Variants in TNRC6C observed in about 807,000 individuals in gnomAD.
TNRC6C encodes trinucleotide repeat containing adaptor 6C, also known as trinucleotide repeat-containing gene 6C protein.
A neutral mutation model predicts 153.7 loss-of-function variants in TNRC6C; 20 were observed. That is an observed-to-expected ratio of 0.13 (90% CI 0.09 to 0.19). TNRC6C has a LOEUF of 0.19. TNRC6C is among the 10% of genes least tolerant of loss of function. TNRC6C has a pLI of 1.00. For missense variants in TNRC6C, 1,987 were observed against 2,172.0 expected (o/e 0.91, Z 1.69); for synonymous variants, 811 against 841.4 (o/e 0.96, Z 0.63).
At chr17:77,983,149 A>G (rs2071105476) in intron 1 of TNRC6C, among the ~76,000 whole-genome samples, 1 of 152,228 alleles carries the variant, frequency 6.6e-6, no homozygotes, top group Admixed American at 6.5e-5. Flanking sequence ...AAACCCTGAA[A>G]GCAGTCTCTT....
intron 17 of TNRC6C, among the ~76,000 whole-genome samples, chr17:78,099,554 T>C (rs2073551290): frequency 6.6e-6 from 1 of 152,154 alleles, no homozygotes; most frequent in Admixed American, 6.5e-5. Flanking sequence ...TGAGACTTAC[T>C]CACTATCACG....
intron 1 of TNRC6C, among the ~76,000 whole-genome samples, chr17:77,971,758 C>G (rs1209966837): frequency 6.6e-6 from 1 of 151,962 alleles, no homozygotes; most frequent in African/African-American, 2.4e-5. Context: ...ATTGACTTCT[C>G]TCTTTCACTC....
At chr17:77,989,842 CT>C (rs1298014329) in intron 1 of TNRC6C, among the ~76,000 whole-genome samples, 1 of 152,180 alleles carries the variant, frequency 6.6e-6, no homozygotes, top group Admixed American at 6.5e-5. Flanking sequence ...CTCAGGCCCT[CT>C]TTCCTGTTTA....
chr17:78,047,499 C>A (rs1424111017), intron 2 of TNRC6C, among the ~76,000 whole-genome samples: 1 of 152,166 alleles, frequency 6.6e-6, no homozygotes, highest in East Asian at 1.9e-4. Flanking sequence ...CAATAAAAAT[C>A]TCTTTTAGGT....
At chr17:77,977,260 GAATA>G (rs1430421341) in intron 1 of TNRC6C, among the ~76,000 whole-genome samples, 1 of 152,038 alleles carries the variant, frequency 6.6e-6, no homozygotes, top group Non-Finnish European at 1.5e-5. Context: ...TTGATTAATT[GAATA>G]AATCTTCATA....
chr17:77,976,620 C>CT (rs1555625242), intron 1 of TNRC6C, among the ~76,000 whole-genome samples: 1 of 152,072 alleles, frequency 6.6e-6, no homozygotes, highest in Non-Finnish European at 1.5e-5. Context: ...TATATAGTCA[C>CT]TAAGTCACTT....
chr17:77,998,676 G>C (rs1183665388), intron 1 of TNRC6C, among the ~76,000 whole-genome samples: 1 of 152,166 alleles, frequency 6.6e-6, no homozygotes, highest in Non-Finnish European at 1.5e-5. Flanking sequence ...GTTTACTCAA[G>C]TGTATTTTTA....
At chr17:78,055,024 G>A (rs938949383) in intron 3 of TNRC6C, among the ~76,000 whole-genome samples, 2 of 152,178 alleles carry the variant, frequency 1.3e-5, no homozygotes, top group Admixed American at 1.3e-4. Context: ...GCAAAGTAGA[G>A]TTCAGCACTG....
chr17:78,068,787 G>A (rs1443876359), intron 5 of TNRC6C, among the ~76,000 whole-genome samples: 3 of 152,026 alleles, frequency 2.0e-5, no homozygotes, highest in African/African-American at 4.8e-5. Context: ...GCGACAGAGC[G>A]AGACTCCCTC....
At chr17:78,044,500 G>A (rs938298563) in intron 2 of TNRC6C, among the ~76,000 whole-genome samples, 6 of 152,154 alleles carry the variant, frequency 3.9e-5, no homozygotes, top group African/African-American at 1.4e-4. Context: ...CCAGTCACAC[G>A]ATGACTCACA....
At chr17:77,981,802 A>C (rs983830812) in intron 1 of TNRC6C, among the ~76,000 whole-genome samples, 2 of 152,212 alleles carry the variant, frequency 1.3e-5, no homozygotes, top group Non-Finnish European at 2.9e-5. Flanking sequence ...GGCTGGATTC[A>C]TGCTGCACCG....
At chr17:77,970,960 G>A (rs1429401061) in intron 1 of TNRC6C, among the ~76,000 whole-genome samples, 1 of 151,962 alleles carries the variant, frequency 6.6e-6, no homozygotes, top group Non-Finnish European at 1.5e-5. Flanking sequence ...AGTGAGCTAC[G>A]ATCCTGCCAC....
chr17:78,063,821 A>T (rs2072817427), intron 3 of TNRC6C, among the ~76,000 whole-genome samples: 1 of 152,332 alleles, frequency 6.6e-6, no homozygotes, highest in Admixed American at 6.5e-5. Flanking sequence ...AAACAAGAAT[A>T]ATATTTCAGT....
intron 1 of TNRC6C, among the ~76,000 whole-genome samples, chr17:77,990,264 G>A (rs953848583): frequency 3.3e-5 from 5 of 152,186 alleles, no homozygotes; most frequent in Non-Finnish European, 7.3e-5. Flanking sequence ...GTTTCCACCA[G>A]TCCACTCTTA....
At position 78,104,972 on chromosome 17, in the gene TNRC6C, C is replaced by T; in HGVS notation, c.*127C>T. 2 of 1,246,612 alleles carry T rather than the reference C, an allele frequency of 1.6e-6. No individual in the cohort carries two copies. Among genetic ancestry groups the T allele is most frequent in the Middle Eastern group, 3.0e-4 (1 of 3,370 alleles). The allele number at this position is 1,246,612 out of a possible 1,614,324, so 77.2% of individuals were successfully genotyped here. On this transcript the variant is annotated 3_prime_UTR_variant, in exon 20 of 20. Transcript: ENST00000301624. The surrounding 1 kb of genome is among the most constrained non-coding windows in gnomAD (Gnocchi z 6.2). Reference sequence around the variant, plus strand: ...GAGTACCTCTGTCCAGGACTGAAGACGAACCTTGGCCGCAGTCCTTGCGAA... The same window carrying T: ...GAGTACCTCTGTCCAGGACTGAAGATGAACCTTGGCCGCAGTCCTTGCGAA...
In TNRC6C at chr17:78,056,008, G is replaced by A. The variant is rs568704113; in HGVS notation, c.2395+4551G>A. Among the ~76,000 whole-genome samples, 60 of 152,254 alleles carry A rather than the reference G, an allele frequency of 3.9e-4. No individual in the cohort carries two copies. In the South Asian group the frequency reaches 0.012, roughly 30 times the overall value. On this transcript the variant is annotated intron_variant, in intron 3 of 19. Coordinates refer to ENST00000301624, the Ensembl canonical transcript of TNRC6C. ...TTGGGGGATCTCTCCCCTTTGATAC[G>A]TGATCCTTAGAAACTTTTTCTTTTA...
At chr17:78,038,716 G>A (rs2072231938) in intron 2 of TNRC6C, among the ~76,000 whole-genome samples, 1 of 150,770 alleles carries the variant, frequency 6.6e-6, no homozygotes, top group South Asian at 2.1e-4. Flanking sequence ...CTTGTAATCA[G>A]GGAAAAGATA....
chr17:77,966,568 G>C (rs758390180), intron 1 of TNRC6C, among the ~76,000 whole-genome samples: 1 of 152,182 alleles, frequency 6.6e-6, no homozygotes, highest in African/African-American at 2.4e-5. Context: ...CTAATATTAA[G>C]ATATTTGGTT....
At chr17:77,996,845 C>T (rs748543612) in intron 1 of TNRC6C, among the ~76,000 whole-genome samples, 4 of 152,164 alleles carry the variant, frequency 2.6e-5, no homozygotes, top group Non-Finnish European at 4.4e-5. Flanking sequence ...CCTGGAGCCA[C>T]TGCCCCTAGA....
Sources: allele counts gnomAD v4.1 joint callset (sites outside exome capture counted in the v4.1 genomes callset), GRCh38; gene constraint gnomAD v4.1.1; non-coding constraint Gnocchi (gnomAD v3.1); transcripts MANE v1.5; gene names NCBI Gene and HGNC (gene_info 2026-07-23, HGNC 2026-07-21).